Variants in HLA-F observed in about 807,000 individuals in gnomAD.
HLA-F encodes the protein major histocompatibility complex, class I, F, also known as HLA class I histocompatibility antigen, alpha chain F.
A neutral mutation model predicts 49.5 loss-of-function variants in HLA-F; 46 were observed. The ratio of observed to expected loss-of-function variants is 0.93; its 90% CI spans 0.73 to 1.19. The LOEUF (loss-of-function observed/expected upper bound fraction) is 1.19, where lower values mean the gene tolerates loss of function less well. HLA-F is among the 50% of genes most tolerant of loss of function. The pLI is 0.00. For synonymous variants in HLA-F, 203 were observed against 233.5 expected, an observed-to-expected ratio of 0.87 and a Z score of 1.19; for missense variants, 496 against 579.6, an observed-to-expected ratio of 0.86 and a Z score of 1.48.
chr6:29,734,917 T>C (rs1776926239), intron 3 of HLA-F: 1 of 152,184 alleles, frequency 6.6e-6, no homozygotes, highest in Admixed American at 6.5e-5. Flanking sequence ...GTTCATGAAA[T>C]ATGTATCCTT....
At chr6:29,724,857 T>G (rs1736925) in intron 3 of HLA-F, among the ~76,000 whole-genome samples, 174 bp from the exon 4 acceptor site, 125,502 of 151,956 alleles carry the variant, frequency 0.83, 52,091 homozygotes, top group East Asian at 0.98. Flanking sequence ...TCAGAGACTC[T>G]AACTTTCCAA....
intron 6 of HLA-F, chr6:29,726,474 G>T: frequency 6.3e-7 from 1 of 1,594,748 alleles, no homozygotes; most frequent in Non-Finnish European, 8.5e-7. Flanking sequence ...TGTGCCTCAC[G>T]AACATACATA....
At chr6:29,728,054 G>T (rs559872317), downstream of HLA-F, 5 of 519,046 alleles carry the variant, frequency 9.6e-6, no homozygotes, top group South Asian at 5.6e-5. Flanking sequence ...AAAATGTTTT[G>T]TTGCCATGAC....
At chr6:29,730,254 G>C (rs2735057), downstream of HLA-F, among the ~76,000 whole-genome samples, 54,863 of 152,090 alleles carry the variant, frequency 0.36, 10,230 homozygotes, top group East Asian at 0.42. Flanking sequence ...ATTCAGGTTG[G>C]ATGAACCTTG....
In HLA-F at chr6:29,724,453, C is replaced by T; in HGVS notation, c.610+5C>T. On this transcript the variant is annotated splice_donor_5th_base_variant and intron_variant, in intron 3 of 6. Transcript: ENST00000259951. ...AGGAGACGCTACAGCGCGCAGGTACCAGGGGCCATGGGCGCCTTCCCTATC... is the reference window on the plus strand; with the variant it reads ...AGGAGACGCTACAGCGCGCAGGTACTAGGGGCCATGGGCGCCTTCCCTATC... The T allele has an allele frequency of 2.5e-6, 4 of 1,612,332 alleles. No homozygotes were observed. Among genetic ancestry groups the T allele is most frequent in the Non-Finnish European group, 2.5e-6 (3 of 1,179,334 alleles).
chr6:29,737,820 G>A (rs1365944444), intron 3 of HLA-F: 1 of 152,216 alleles, frequency 6.6e-6, no homozygotes, highest in Admixed American at 6.5e-5. Context: ...CTTACATCTG[G>A]GTGTGTGTCC....
chr6:29,728,896 T>TA (rs1252185036), downstream of HLA-F: 1 of 152,118 alleles, frequency 6.6e-6, no homozygotes, highest in African/African-American at 2.4e-5. Context: ...CATTTCTAGG[T>TA]AAAAAGGTAG....
downstream of HLA-F, chr6:29,727,945 T>C: frequency 1.9e-6 from 1 of 518,676 alleles, no homozygotes. Flanking sequence ...CCGGATCACT[T>C]TCCCTCTACA....
Position 29,725,158 on chromosome 6 carries a change from C to G in HLA-F, c.738C>G (p.Thr246=), listed in dbSNP as rs369751910. ...GGCAGCGGGATGGGGAGGAACAGAC[C>G]CAGGACACAGAGCTTGTGGAGACCA... ...LTWQRDGEEQ[T]QDTELVETRP... Residue 246 remains threonine (T), a synonymous_variant, in exon 4 of 7, where the codon ACC becomes ACG. Transcript: ENST00000259951. The G allele has an allele frequency of 1.2e-6, 2 of 1,613,936 alleles. No homozygotes were observed. The highest frequency in any genetic ancestry group is 1.3e-5 in the African/African-American group (1 of 74,964).
chr6:29,729,792 TAAC>T (rs1179589169), downstream of HLA-F, among the ~76,000 whole-genome samples: 2 of 152,136 alleles, frequency 1.3e-5, no homozygotes, highest in Non-Finnish European at 2.9e-5. Context: ...AACTATGACT[TAAC>T]AACAGAAAAA....
chr6:29,726,706 T>C (rs1038404181), intron 6 of HLA-F, 177 bp from the exon 7 acceptor site: 2 of 1,280,604 alleles, frequency 1.6e-6, no homozygotes, highest in Non-Finnish European at 2.2e-6. Flanking sequence ...AACCAAAGCA[T>C]CGTAGTCAGG....
At chr6:29,735,442 G>A (rs1436819382) in intron 3 of HLA-F, 1 of 149,832 alleles carries the variant, frequency 6.7e-6, no homozygotes, top group Non-Finnish European at 1.5e-5. Context: ...ATTCCTGCAT[G>A]ACAGTCTTTT....
At position 29,724,079 on chromosome 6, in the gene HLA-F, C is replaced by T. The variant is rs774367811; in HGVS notation, c.335-94C>T. The T allele has an allele frequency of 3.2e-6, 5 of 1,562,538 alleles. No homozygotes were observed. In the Admixed American group the frequency reaches 9.6e-5, roughly 30 times the overall value. Reference sequence around the variant, plus strand: ...CCGGGAGAGTCCCAGGCGCCTTTACCCAGGTTCATTTTCAGTTTAGGCCAA... The same window carrying T: ...CCGGGAGAGTCCCAGGCGCCTTTACTCAGGTTCATTTTCAGTTTAGGCCAA... On this transcript the variant is annotated intron_variant, in intron 2 of 6. Coordinates refer to ENST00000259951, the MANE Select transcript of HLA-F (RefSeq NM_001098479.2).
intron 3 of HLA-F, 122 bp from the exon 4 acceptor site, chr6:29,724,909 T>TCTGG (rs763801880): frequency 9.9e-6 from 11 of 1,111,568 alleles, no homozygotes; most frequent in Non-Finnish European, 1.4e-5. Flanking sequence ...CAGGCTGGTG[T>TCTGG]CTGGGTTCTG....
rs747843249 is a variant in HLA-F at position 29,724,465 on chromosome 6, G to A, written c.610+17G>A. ...AGCGCGCAGGTACCAGGGGCCATGG[G>A]CGCCTTCCCTATCTCCTGTAGATCT... On this transcript the variant is annotated intron_variant, in intron 3 of 6. Transcript: ENST00000259951. 3.7e-6 allele frequency: 6 copies of A among 1,611,436 alleles called. No homozygotes were observed. Among genetic ancestry groups the A allele is most frequent in the Non-Finnish European group, 5.1e-6 (6 of 1,178,874 alleles).
chr6:29,727,874 C>T, downstream of HLA-F: 1 of 486,488 alleles, frequency 2.1e-6, no homozygotes, highest in South Asian at 1.5e-5. Context: ...TCAGGCCAGG[C>T]CCCTCCAGAC....
Position 29,723,702 on chromosome 6 carries a change from G to A in HLA-F, c.109G>A (p.Gly37Ser), listed in dbSNP as rs745687606. 5.8e-5 allele frequency: 94 copies of A among 1,611,590 alleles called. 2 individuals are homozygous for A. In the South Asian group the frequency reaches 9.9e-4, roughly 17 times the overall value. ...RYFSTAVSRP[G>S]RGEPRYIAVE... The stretch of plus-strand genomic sequence containing the variant: ...TTTCAGCACCGCTGTGTCGCGGCCC[G>A]GCCGCGGGGAGCCCCGCTACATCGC... Residue 37 changes from glycine to serine, a missense_variant, in exon 2 of 7, where the codon GGC (glycine) becomes AGC (serine). Transcript: ENST00000259951.
chr6:29,724,401 T>C lies in HLA-F; in HGVS notation c.563T>C (p.Leu188Ser), dbSNP rs1190431277. The C allele has an allele frequency of 8.7e-6, 14 of 1,612,930 alleles. No individual in the cohort carries two copies. Among genetic ancestry groups the C allele is most frequent in the Non-Finnish European group, 1.1e-5 (13 of 1,179,996 alleles). The change falls in exon 3 of 7, where the codon TTG (leucine) becomes TCG (serine). Residue 188 changes from leucine (L) to serine (S), a missense_variant. By Grantham distance (145) the Leu-to-Ser change is moderately radical. Coordinates refer to ENST00000259951, the MANE Select transcript of HLA-F (RefSeq NM_001098479.2). Reference protein sequence around the residue: ...RTYLEGECLELLRRYLENGKE... With the variant: ...RTYLEGECLESLRRYLENGKE... ...TACCTGGAGGGCGAGTGCCTGGAGT[T>C]GCTCCGCAGATACTTGGAGAATGGG...
At chr6:29,732,120 A>G (rs1776679909), downstream of HLA-F, among the ~76,000 whole-genome samples, 1 of 132,070 alleles carries the variant, frequency 7.6e-6, no homozygotes, top group African/African-American at 2.8e-5. Flanking sequence ...TCATGCCACC[A>G]TGCCCAGCTA....
Sources: gnomAD v4.1 joint callset for allele counts (sites outside exome capture counted in the v4.1 genomes callset) on GRCh38, gnomAD v4.1.1 for gene constraint, MANE v1.5 for transcripts, NCBI Gene and HGNC (gene_info 2026-07-23, HGNC 2026-07-21) for gene names.